ZMIZ1: variants seen among roughly 807,000 people sequenced by gnomAD.
ZMIZ1 encodes zinc finger MIZ domain-containing protein 1.
Under a neutral mutation model 113.9 loss-of-function variants are expected in ZMIZ1, and 17 were observed. The observed-to-expected ratio is 0.15, with a 90% confidence interval of 0.10 to 0.22. ZMIZ1 has a LOEUF of 0.22. Ranked by LOEUF, ZMIZ1 falls within the 10% of genes least tolerant of loss-of-function variation. The pLI, the probability that ZMIZ1 is intolerant of heterozygous loss-of-function variation, is 1.00. For missense variants in ZMIZ1, 1,059 were observed against 1,477.8 expected (o/e 0.72, Z 4.65); for synonymous variants, 607 against 603.1 (o/e 1.01, Z -0.09).
chr10:79,120,362 C>T (rs774674684), intron 2 of ZMIZ1, among the ~76,000 whole-genome samples: 17 of 152,182 alleles, frequency 1.1e-4, no homozygotes, highest in Non-Finnish European at 1.5e-4. Flanking sequence ...TTCTGACACA[C>T]GGGGCTGCAT....
At chr10:79,293,342 T>C (rs775226459) in intron 11 of ZMIZ1, 39 bp from the exon 12 acceptor site, 2 of 1,507,344 alleles carry the variant, frequency 1.3e-6, no homozygotes, top group Non-Finnish European at 1.8e-6. Flanking sequence ...TTATTCTTTT[T>C]TTTTTCTTCT....
At chr10:79,093,111 C>A (rs11002809) in intron 1 of ZMIZ1, among the ~76,000 whole-genome samples, 35,607 of 140,554 alleles carry the variant, frequency 0.25, 5,226 homozygotes, top group Non-Finnish European at 0.33. Context: ...AATTATTATT[C>A]TTTCTACCAC....
At chr10:79,163,156 G>T (rs182087738) in intron 4 of ZMIZ1, among the ~76,000 whole-genome samples, 17 of 152,260 alleles carry the variant, frequency 1.1e-4, no homozygotes, top group African/African-American at 3.4e-4. Flanking sequence ...CAGCCCGGGA[G>T]GGGGGAGTCT....
intron 5 of ZMIZ1, among the ~76,000 whole-genome samples, chr10:79,203,538 T>G (rs1848189138): frequency 6.6e-6 from 1 of 152,204 alleles, no homozygotes; most frequent in South Asian, 2.1e-4. Flanking sequence ...GGCCCCGCCC[T>G]CCAATGGAAT....
At chr10:79,099,649 C>T (rs950259721) in intron 1 of ZMIZ1, among the ~76,000 whole-genome samples, 12 of 152,280 alleles carry the variant, frequency 7.9e-5, no homozygotes, top group African/African-American at 2.9e-4. Flanking sequence ...CAGTGTGGAG[C>T]CCAAGTCCCT....
At chr10:79,215,872 C>A (rs556730937) in intron 6 of ZMIZ1, among the ~76,000 whole-genome samples, 119 of 152,228 alleles carry the variant, frequency 7.8e-4, no homozygotes, top group Non-Finnish European at 1.6e-3. Flanking sequence ...CAGCCGACTT[C>A]TAAAATGTGG....
intron 15 of ZMIZ1, 27 bp downstream of exon 15, chr10:79,298,607 C>A: frequency 2.5e-6 from 4 of 1,576,920 alleles, no homozygotes; most frequent in Non-Finnish European, 3.4e-6. Context: ...CCTCTCTTGG[C>A]AGCTCCACCT....
intron 1 of ZMIZ1, among the ~76,000 whole-genome samples, chr10:79,115,573 A>T (rs1843984022): frequency 6.6e-6 from 1 of 152,206 alleles, no homozygotes; most frequent in African/African-American, 2.4e-5. Flanking sequence ...CCTGTCAGGG[A>T]TTCCATTCCT....
intron 4 of ZMIZ1, among the ~76,000 whole-genome samples, chr10:79,180,535 G>T (rs929760540): frequency 6.6e-6 from 1 of 152,170 alleles, no homozygotes; most frequent in African/African-American, 2.4e-5. Context: ...CCCCCAGTAG[G>T]CCCTGCCGCC....
intron 2 of ZMIZ1, among the ~76,000 whole-genome samples, chr10:79,132,314 G>A (rs1210314690): frequency 6.6e-6 from 1 of 152,160 alleles, no homozygotes; most frequent in Non-Finnish European, 1.5e-5. Context: ...TCCTACAAGG[G>A]TAATACATGG....
At chr10:79,264,373 AT>A (rs1158191475) in intron 7 of ZMIZ1, among the ~76,000 whole-genome samples, 1 of 152,096 alleles carries the variant, frequency 6.6e-6, no homozygotes, top group Non-Finnish European at 1.5e-5. Flanking sequence ...GCCTCAATCT[AT>A]TGCTGGGGGA....
chr10:79,233,470 T>A (rs1320707382), intron 7 of ZMIZ1, among the ~76,000 whole-genome samples: 1 of 152,228 alleles, frequency 6.6e-6, no homozygotes, highest in Non-Finnish European at 1.5e-5. Flanking sequence ...CCCTCAAGCC[T>A]CTTTCATAAG....
intron 4 of ZMIZ1, among the ~76,000 whole-genome samples, chr10:79,179,632 C>G (rs1476265357): frequency 6.6e-6 from 1 of 152,238 alleles, no homozygotes; most frequent in East Asian, 1.9e-4. Context: ...GCTGGTCAGG[C>G]CCCACGCACC....
chr10:79,232,696 G>T (rs1041652343), intron 7 of ZMIZ1, among the ~76,000 whole-genome samples: 1 of 152,136 alleles, frequency 6.6e-6, no homozygotes, highest in African/African-American at 2.4e-5. Context: ...ATCAGTTAAG[G>T]AGTTACCATG....
chr10:79,104,727 C>A (rs546000510), intron 1 of ZMIZ1, among the ~76,000 whole-genome samples: 2 of 152,178 alleles, frequency 1.3e-5, no homozygotes, highest in African/African-American at 4.8e-5. Context: ...CTCTGGAGGC[C>A]GTGAACCTCA....
At chr10:79,083,305 G>A (rs1434154641) in intron 1 of ZMIZ1, among the ~76,000 whole-genome samples, 1 of 152,162 alleles carries the variant, frequency 6.6e-6, no homozygotes, top group Non-Finnish European at 1.5e-5. Context: ...TGAACATTTG[G>A]GAGAAGAGCT....
At chr10:79,271,724 A>G (rs1851960386) in intron 7 of ZMIZ1, among the ~76,000 whole-genome samples, 1 of 152,190 alleles carries the variant, frequency 6.6e-6, no homozygotes, top group African/African-American at 2.4e-5. Context: ...ACCATTAGAG[A>G]TGAGCCTTAA....
chr10:79,072,021 G>A (rs1278949966), intron 1 of ZMIZ1, among the ~76,000 whole-genome samples: 1 of 152,170 alleles, frequency 6.6e-6, no homozygotes, highest in Admixed American at 6.5e-5. Context: ...GGATTCAAGA[G>A]GTGGATTTGG....
At chr10:79,217,579 A>G (rs577970190) in intron 7 of ZMIZ1, among the ~76,000 whole-genome samples, 3 of 152,384 alleles carry the variant, frequency 2.0e-5, no homozygotes, top group African/African-American at 7.2e-5. Flanking sequence ...CACTGAATTC[A>G]TCAGTCAGTT....
Sources: allele counts gnomAD v4.1 joint callset (sites outside exome capture counted in the v4.1 genomes callset), GRCh38; gene constraint gnomAD v4.1.1; transcripts MANE v1.5; gene names NCBI Gene and HGNC (gene_info 2026-07-23, HGNC 2026-07-21).